Variants in SRSF12 observed in about 807,000 individuals in gnomAD.
SRSF12 encodes serine and arginine rich splicing factor 12.
Under a neutral mutation model 34.1 loss-of-function variants are expected in SRSF12, and 21 were observed. The observed-to-expected ratio is 0.62, with a 90% CI of 0.44 to 0.89. SRSF12 has a LOEUF of 0.89. SRSF12 is among the 40% of genes least tolerant of loss of function. The probability of loss-of-function intolerance (pLI) is 0.00; values close to 1 mark genes in which losing one functional copy is unlikely to be tolerated. For missense variants in SRSF12, 278 were observed against 327.8 expected, an observed-to-expected ratio of 0.85 and a Z score of 1.17; for synonymous variants, 111 against 110.8, an observed-to-expected ratio of 1.00 and a Z score of -0.01.
chr6:89,109,076 G>A (rs1369953124), intron 1 of SRSF12, among the ~76,000 whole-genome samples: 2 of 152,094 alleles, frequency 1.3e-5, no homozygotes, highest in African/African-American at 2.4e-5. Context: ...AATATAATGA[G>A]AAACAAGAAA....
At chr6:89,104,884 A>G (rs1391684904) in intron 4 of SRSF12, among the ~76,000 whole-genome samples, 1 of 151,914 alleles carries the variant, frequency 6.6e-6, no homozygotes, top group Non-Finnish European at 1.5e-5. Flanking sequence ...GAGACCTCCA[A>G]TCTCTACAAA....
intron 2 of SRSF12, 58 bp downstream of exon 2, chr6:89,107,096 A>G (rs1768824611): frequency 2.2e-6 from 3 of 1,366,666 alleles, no homozygotes; most frequent in Non-Finnish European, 3.1e-6. Context: ...CTGAATACAT[A>G]TATGTATAAG....
rs774197207 is a variant in SRSF12, at chr6:89,098,962, A to G, written c.417-15T>C. On this transcript the variant is annotated splice_polypyrimidine_tract_variant and intron_variant, in intron 4 of 4. Transcript: ENST00000452027. Reference sequence around the variant, plus strand: ...TGTGTCGAGACCTGCAAACATCCATAATGTTAGAGCATATATTTCACACAA... The same window carrying G: ...TGTGTCGAGACCTGCAAACATCCATGATGTTAGAGCATATATTTCACACAA... 14 of 1,603,886 alleles carry G rather than the reference A, an allele frequency of 8.7e-6. No individual in the cohort carries two copies. Among genetic ancestry groups the G allele is most frequent in the Non-Finnish European group, 1.1e-5 (13 of 1,175,022 alleles).
intron 1 of SRSF12, among the ~76,000 whole-genome samples, chr6:89,117,262 T>C (rs1769347968): frequency 6.6e-6 from 1 of 152,226 alleles, no homozygotes; most frequent in African/African-American, 2.4e-5. Flanking sequence ...AGTTATTTTT[T>C]GTATGCAGAA....
chr6:89,107,399 T>C (rs1284644590), intron 1 of SRSF12, 141 bp from the exon 2 acceptor site: 2 of 645,434 alleles, frequency 3.1e-6, no homozygotes, highest in East Asian at 2.8e-5. Context: ...GTAAGAATCA[T>C]GCAAGGTTTT....
chr6:89,115,561 C>A (rs545944967), intron 1 of SRSF12, among the ~76,000 whole-genome samples: 16 of 152,064 alleles, frequency 1.1e-4, no homozygotes, highest in South Asian at 6.2e-4. Flanking sequence ...GGATTACAGG[C>A]GTGAGCCACC....
intron 4 of SRSF12, 89 bp from the exon 5 acceptor site, chr6:89,099,036 A>T: frequency 7.1e-7 from 1 of 1,414,392 alleles, no homozygotes; most frequent in South Asian, 1.6e-5. Flanking sequence ...TACTTTACAT[A>T]ACATTAGTTA....
intron 1 of SRSF12, among the ~76,000 whole-genome samples, chr6:89,115,754 A>G (rs922586396): frequency 6.6e-4 from 99 of 149,126 alleles, no homozygotes; most frequent in Non-Finnish European, 1.1e-3. Context: ...ATCCTGCCTC[A>G]GCCTCCTGAG....
chr6:89,107,711 G>T (rs1323575945), intron 1 of SRSF12, among the ~76,000 whole-genome samples: 1 of 152,086 alleles, frequency 6.6e-6, no homozygotes, highest in Non-Finnish European at 1.5e-5. Flanking sequence ...ACTCCATCCA[G>T]CCTGGGTGAC....
rs1481899318 is a variant in SRSF12, at chr6:89,097,291, T to G, written c.*1287A>C. 2 of 152,128 alleles carry G rather than the reference T, an allele frequency of 1.3e-5. No individual in the cohort carries two copies. Among genetic ancestry groups the G allele is most frequent in the African/African-American group, 4.8e-5 (2 of 41,434 alleles). 9.4% of individuals were successfully genotyped at this position (152,128 alleles called of 1,614,324 possible). A position where few individuals can be genotyped will look rare whatever the true frequency, so the allele number is the denominator to read the frequency against. On this transcript the variant is annotated 3_prime_UTR_variant, in exon 5 of 5. Transcript: ENST00000452027. ...GTATACAAGTAGAGCTCTATAAATA[T>G]ATCCCCTATAATAATCATATGCAAA... is the stretch of plus-strand genomic sequence containing the variant.
intron 4 of SRSF12, 65 bp downstream of exon 4, chr6:89,105,053 CA>C (rs35869140): frequency 0.71 from 1,027,711 of 1,455,750 alleles, 366,185 homozygotes; most frequent in East Asian, 0.78. Context: ...GAGACCCTAT[CA>C]AAAAAATATA....
At chr6:89,104,700 A>G (rs1295478657) in intron 4 of SRSF12, among the ~76,000 whole-genome samples, 1 of 152,160 alleles carries the variant, frequency 6.6e-6, no homozygotes, top group Non-Finnish European at 1.5e-5. Context: ...TTTAACAAAA[A>G]TTGATTATGT....
intron 4 of SRSF12, among the ~76,000 whole-genome samples, chr6:89,101,567 C>T (rs1360722465): frequency 1.3e-5 from 2 of 151,962 alleles, no homozygotes; most frequent in African/African-American, 4.8e-5. Context: ...ACTAAAAATA[C>T]AAAAATTAGC....
rs538093694 is a variant in SRSF12 at position 89,097,907 on chromosome 6, T to A, written c.*671A>T. On this transcript the variant is annotated 3_prime_UTR_variant, in exon 5 of 5. Transcript: ENST00000452027. ...AGAATTAGTCTCAAACCATTCAAAA[T>A]CCAGTATTTCTCAAAAGTTCTGATA... is the stretch of plus-strand genomic sequence containing the variant. The A allele has an allele frequency of 5.3e-5, 8 of 152,328 alleles. No individual in the cohort carries two copies. The South Asian group carries it at 1.0e-3, about 20-fold the overall frequency. 9.4% of individuals were successfully genotyped at this position (152,328 alleles called of 1,614,324 possible). A position where few individuals can be genotyped will look rare whatever the true frequency, so the allele number is the denominator to read the frequency against.
Position 89,097,185 on chromosome 6 carries a change from A to AT in SRSF12, c.*1392dup, listed in dbSNP as rs374431725. ...CCTATATACTAAAAATATAAGACAG[A>AT]TTTTTTTCTTAAACACTCTGGATAC... On this transcript the variant is annotated 3_prime_UTR_variant, in exon 5 of 5. Coordinates refer to ENST00000452027, the MANE Select transcript of SRSF12 (RefSeq NM_080743.5). 15 of 152,226 alleles carry AT rather than the reference A, an allele frequency of 9.9e-5. No individual in the cohort carries two copies. The East Asian group carries it at 2.3e-3, about 24-fold the overall frequency. The allele number at this position is 152,226 out of a possible 1,614,324, so 9.4% of individuals were successfully genotyped here.
At chr6:89,109,784 G>C (rs533940398) in intron 1 of SRSF12, among the ~76,000 whole-genome samples, 58 of 152,166 alleles carry the variant, frequency 3.8e-4, no homozygotes, top group Admixed American at 3.8e-3. Flanking sequence ...AAACACCCAT[G>C]TATCTACCAA....
chr6:89,110,515 C>A (rs1439990097), intron 1 of SRSF12, among the ~76,000 whole-genome samples: 1 of 152,194 alleles, frequency 6.6e-6, no homozygotes, highest in Non-Finnish European at 1.5e-5. Flanking sequence ...GGCCTGGGAC[C>A]AGTCTGATTG....
At chr6:89,116,946 C>T (rs1191688364) in intron 1 of SRSF12, among the ~76,000 whole-genome samples, 2 of 151,964 alleles carry the variant, frequency 1.3e-5, no homozygotes, top group Non-Finnish European at 2.9e-5. Context: ...CCCTTATGTA[C>T]AATAAAACAG....
chr6:89,107,124 T>C, intron 2 of SRSF12, 30 bp downstream of exon 2: 1 of 1,584,362 alleles, frequency 6.3e-7, no homozygotes, highest in Non-Finnish European at 8.7e-7. Context: ...ATACAGTATA[T>C]TCACATGCAC....
Sources: gnomAD v4.1 joint callset for allele counts (sites outside exome capture counted in the v4.1 genomes callset) on GRCh38, gnomAD v4.1.1 for gene constraint, MANE v1.5 for transcripts, NCBI Gene and HGNC (gene_info 2026-07-23, HGNC 2026-07-21) for gene names.